Variants in SCAF8 observed in about 807,000 individuals in gnomAD.
The protein encoded by SCAF8 is SR-related and CTD-associated factor 8.
Under a neutral mutation model 140.5 loss-of-function variants are expected in SCAF8, and 23 were observed. The ratio of observed to expected loss-of-function variants is 0.16; its 90% confidence interval spans 0.12 to 0.23. SCAF8 has a LOEUF of 0.23. Among genes scored for constraint, SCAF8 ranks in the 10% least tolerant of loss-of-function variants. SCAF8 has a pLI of 1.00. For synonymous variants in SCAF8, 575 were observed against 528.9 expected (o/e 1.09, Z -1.20); for missense variants, 1,397 against 1,555.7 (o/e 0.90, Z 1.72).
intron 1 of SCAF8, among the ~76,000 whole-genome samples, chr6:154,741,085 T>C (rs1778556805): frequency 6.6e-6 from 1 of 152,190 alleles, no homozygotes. Flanking sequence ...TTGTGAGTTT[T>C]ATGTTGTCTA....
At chr6:154,736,989 C>T (rs537456173) in intron 1 of SCAF8, among the ~76,000 whole-genome samples, 1 of 152,084 alleles carries the variant, frequency 6.6e-6, no homozygotes, top group East Asian at 1.9e-4. Context: ...AAACACAAAA[C>T]AATACATAAT....
At chr6:154,742,069 T>G in intron 1 of SCAF8, 1 of 1,243,756 alleles carries the variant, frequency 8.0e-7, no homozygotes, top group Non-Finnish European at 1.1e-6. Context: ...TATGTTAGGT[T>G]TCAATTGGTA....
chr6:154,791,195 A>T (rs1318058043), intron 4 of SCAF8, among the ~76,000 whole-genome samples: 1 of 152,216 alleles, frequency 6.6e-6, no homozygotes, highest in Non-Finnish European at 1.5e-5. Context: ...GTAAAACTTT[A>T]ATACAACCAA....
At chr6:154,802,699 C>T (rs990367892) in intron 7 of SCAF8, among the ~76,000 whole-genome samples, 1 of 152,038 alleles carries the variant, frequency 6.6e-6, no homozygotes, top group Non-Finnish European at 1.5e-5. Flanking sequence ...TCAGTAAAAT[C>T]TTGTATTCAC....
chr6:154,769,315 A>G (rs748642286), intron 1 of SCAF8, among the ~76,000 whole-genome samples: 2 of 152,012 alleles, frequency 1.3e-5, no homozygotes, highest in Non-Finnish European at 2.9e-5. Flanking sequence ...CATCTTCCCA[A>G]CCTCCCAAAA....
At chr6:154,779,175 G>A (rs1203345627) in intron 3 of SCAF8, among the ~76,000 whole-genome samples, 2 of 152,094 alleles carry the variant, frequency 1.3e-5, no homozygotes, top group Admixed American at 1.3e-4. Flanking sequence ...TGGGATTACA[G>A]ACATGCGCCA....
chr6:154,800,982 A>G (rs1469934399), intron 6 of SCAF8, among the ~76,000 whole-genome samples: 4 of 151,554 alleles, frequency 2.6e-5, no homozygotes, highest in Non-Finnish European at 4.4e-5. Context: ...AGTAATTGAT[A>G]GACTGCGAAG....
chr6:154,736,686 T>A (rs1778430705), intron 1 of SCAF8, among the ~76,000 whole-genome samples: 1 of 152,206 alleles, frequency 6.6e-6, no homozygotes, highest in Non-Finnish European at 1.5e-5. Flanking sequence ...CGTTTTAATA[T>A]TAATTAAGGA....
Position 154,818,553 on chromosome 6 carries a change from C to T in SCAF8, c.1596C>T (p.Leu532=). The change falls in exon 14 of 20, where the codon CTC becomes CTT. Residue 532 remains leucine (L), a synonymous_variant. Coordinates refer to ENST00000367178, the MANE Select transcript of SCAF8 (RefSeq NM_014892.5). ...ATGCATTTCGAGCTCTTCAGAAACTCAGTTCTGGATCATATAAAATTGGGT... is the reference window on the plus strand; with the variant it reads ...ATGCATTTCGAGCTCTTCAGAAACTTAGTTCTGGATCATATAAAATTGGGT... The part of the protein sequence containing the change: ...RQDAFRALQK[L]SSGSYKIGSK... The T allele has an allele frequency of 1.2e-6, 2 of 1,607,608 alleles. No homozygotes were observed. The highest frequency in any genetic ancestry group is 1.7e-4 in the Middle Eastern group (1 of 6,046).
At chr6:154,736,125 G>A (rs1246623051) in intron 1 of SCAF8, among the ~76,000 whole-genome samples, 1 of 151,768 alleles carries the variant, frequency 6.6e-6, no homozygotes, top group Non-Finnish European at 1.5e-5. Context: ...ACGCCTGGGG[G>A]ATTTCGTTTT....
chr6:154,776,330 A>G (rs1477253800), intron 2 of SCAF8, among the ~76,000 whole-genome samples: 2 of 151,778 alleles, frequency 1.3e-5, no homozygotes, highest in African/African-American at 2.4e-5. Flanking sequence ...TAAACACTAC[A>G]TTTTATCAAT....
chr6:154,752,314 C>T (rs1778857116), intron 1 of SCAF8, among the ~76,000 whole-genome samples: 1 of 152,014 alleles, frequency 6.6e-6, no homozygotes, highest in South Asian at 2.1e-4. Context: ...ACATACTAAT[C>T]CTGATGAGCA....
intron 1 of SCAF8, among the ~76,000 whole-genome samples, chr6:154,770,850 T>C (rs1776742389): frequency 6.6e-6 from 1 of 152,164 alleles, no homozygotes; most frequent in South Asian, 2.1e-4. Flanking sequence ...GTTCAAGCAA[T>C]TCTCATGCTT....
intron 6 of SCAF8, among the ~76,000 whole-genome samples, chr6:154,801,104 T>C (rs1295995614): frequency 1.3e-5 from 2 of 151,548 alleles, no homozygotes; most frequent in East Asian, 3.9e-4. Context: ...TTAAAAAGTG[T>C]AAAGGGGAAA....
Position 154,739,285 on chromosome 6 carries a change from C to T in SCAF8, c.30+5355C>T, listed in dbSNP as rs545356513. Among the ~76,000 whole-genome samples, 11 of 152,036 alleles carry T rather than the reference C, an allele frequency of 7.2e-5. No individual in the cohort carries two copies. The South Asian group carries it at 1.9e-3, about 26-fold the overall frequency. ...GGGATTACAGGTGTGGGCCACTGCCCCTGGCCAGATTCTTTTAAATTTTAA... is the reference window on the plus strand; with the variant it reads ...GGGATTACAGGTGTGGGCCACTGCCTCTGGCCAGATTCTTTTAAATTTTAA... On this transcript the variant is annotated intron_variant, in intron 1 of 19. Coordinates refer to ENST00000367178, the MANE Select transcript of SCAF8 (RefSeq NM_014892.5).
chr6:154,830,818 A>C lies in SCAF8; in HGVS notation c.2141-104A>C, dbSNP rs943554661. ...GCATTGGTTATTATATAATGTGCTT[A>C]GTAATACAGAGATGCCATTAAATTA... On this transcript the variant is annotated intron_variant, in intron 18 of 19. Coordinates refer to ENST00000367178, the MANE Select transcript of SCAF8 (RefSeq NM_014892.5). The C allele has an allele frequency of 1.4e-5, 10 of 737,160 alleles. No individual in the cohort carries two copies. In the African/African-American group the frequency reaches 1.4e-4, roughly 10 times the overall value. The allele number at this position is 737,160 out of a possible 1,614,324, so 45.7% of individuals were successfully genotyped here.
chr6:154,748,731 G>A (rs372169338), intron 1 of SCAF8, among the ~76,000 whole-genome samples: 46 of 152,256 alleles, frequency 3.0e-4, no homozygotes, highest in Middle Eastern at 3.4e-3. Context: ...CTGTTTTGGT[G>A]GTAATTTCAA....
chr6:154,768,511 AAATT>A (rs545182529), intron 1 of SCAF8, among the ~76,000 whole-genome samples: 171 of 152,360 alleles, frequency 1.1e-3, no homozygotes, highest in African/African-American at 3.9e-3. Flanking sequence ...GGTGGCTATG[AAATT>A]ATTATACTAG....
rs763052106 is a variant in SCAF8 at position 154,832,079 on chromosome 6, G to A, written c.2500G>A (p.Val834Ile). The stretch of plus-strand genomic sequence containing the variant: ...AATTCTTGGGGTCCGGCCATCTAAT[G>A]TTTCCAGTAGTTCTGGGATTATTGC... ...SEILGVRPSN[V>I]SSSSGIIAAQ... is the part of the protein sequence containing the mutation. The change falls in exon 20 of 20, where the codon GTT (valine) becomes ATT (isoleucine). Residue 834 changes from valine to isoleucine, a missense_variant. Around this residue, in one of 5 missense-constraint regions of SCAF8, gnomAD observed 930 missense variants for 874.6 expected, o/e 1.06. Transcript: ENST00000367178. 3.7e-6 allele frequency: 6 copies of A among 1,613,948 alleles called. No individual in the cohort carries two copies. The highest frequency in any genetic ancestry group is 2.2e-5 in the East Asian group (1 of 44,880).
Sources: allele counts gnomAD v4.1 joint callset (sites outside exome capture counted in the v4.1 genomes callset), GRCh38; gene constraint gnomAD v4.1.1; regional missense constraint gnomAD v4.1.1; transcripts MANE v1.5; gene names NCBI Gene and HGNC (gene_info 2026-07-23, HGNC 2026-07-21).